AHRR: variants seen among roughly 807,000 people sequenced by gnomAD.
The protein encoded by AHRR is aryl hydrocarbon receptor repressor.
A neutral mutation model predicts 44.0 loss-of-function variants in AHRR; 28 were observed. That is an observed-to-expected ratio of 0.64 (90% confidence interval 0.47 to 0.87). The LOEUF is 0.87. Ranked by LOEUF, AHRR falls within the 40% of genes least tolerant of loss-of-function variation. The probability of loss-of-function intolerance (pLI) is 0.00; values close to 1 mark genes in which losing one functional copy is unlikely to be tolerated. For synonymous variants in AHRR, 434 were observed against 407.0 expected, an observed-to-expected ratio of 1.07 and a Z score of -0.80; for missense variants, 990 against 953.9, an observed-to-expected ratio of 1.04 and a Z score of -0.50.
intron 4 of AHRR, among the ~76,000 whole-genome samples, chr5:409,400 C>T (rs767771701): frequency 5.3e-5 from 8 of 152,160 alleles, no homozygotes; most frequent in Non-Finnish European, 7.3e-5. Context: ...TTATGTGGAA[C>T]GGCAGGACAG....
At chr5:334,795 C>T (rs1457587617) in intron 1 of AHRR, among the ~76,000 whole-genome samples, 1 of 151,978 alleles carries the variant, frequency 6.6e-6, no homozygotes, top group Non-Finnish European at 1.5e-5. Flanking sequence ...ATGTTGCTTT[C>T]TGCACATCTG....
rs770740417 is a variant in AHRR at position 434,242 on chromosome 5, C to T, written c.1502C>T (p.Ala501Val). 7 of 1,592,734 alleles carry T rather than the reference C, an allele frequency of 4.4e-6. No homozygotes were observed. The highest frequency in any genetic ancestry group is 3.4e-5 in the South Asian group (3 of 87,062). Residue 501 changes from alanine (A) to valine (V), a missense_variant, in exon 11 of 11, where the codon GCC (alanine) becomes GTC (valine). Transcript: ENST00000684583. ...CCTCAGCCTGGAGCTCAGCGTTTTG[C>T]CACGAGGGGCTATCCCATGGAGGAC... ...QLPQPGAQRF[A>V]TRGYPMEDMK...
intron 4 of AHRR, among the ~76,000 whole-genome samples, chr5:392,289 GGC>G: frequency 1.0e-5 from 1 of 96,386 alleles, no homozygotes; most frequent in African/African-American, 5.2e-5. Context: ...GGGCGAGGAG[GGC>G]GCAGGGCGAG....
At position 388,865 on chromosome 5, in the gene AHRR, C is replaced by T. The variant is rs553880108; in HGVS notation, c.351+12149C>T. Among the ~76,000 whole-genome samples the T allele has an allele frequency of 2.0e-5, 3 of 152,148 alleles. No homozygotes were observed. Among genetic ancestry groups the T allele is most frequent in the South Asian group, 4.1e-4 (2 of 4,834 alleles). ...TGTGGCTGGGCCAGATGCCTGAGGA[C>T]ACAATGCTCATGACAAAAGCAGCAG... is the stretch of plus-strand genomic sequence containing the variant. On this transcript the variant is annotated intron_variant, in intron 4 of 10. Coordinates refer to ENST00000684583, the MANE Select transcript of AHRR (RefSeq NM_001377236.1). This position sits in a 1 kb window ranked among gnomAD's most constrained non-coding sequence, Gnocchi z 5.2.
At position 340,685 on chromosome 5, in the gene AHRR, TATA is replaced by T. The variant is rs200147908; in HGVS notation, c.-10-3207_-10-3205del. On this transcript the variant is annotated intron_variant, in intron 1 of 10. Coordinates refer to ENST00000684583, the MANE Select transcript of AHRR (RefSeq NM_001377236.1). ...AATATTATATATATATATATATATA[TATA>T]TTTTTTTTTTTTTTTTTTTTTTTTT... is the stretch of plus-strand genomic sequence containing the variant. Among the ~76,000 whole-genome samples, 247 of 31,184 alleles carry T rather than the reference TATA, an allele frequency of 7.9e-3. 1 individual carries two copies. The highest frequency in any genetic ancestry group is 0.022 in the African/African-American group (125 of 5,594). 20.5% of individuals were successfully genotyped at this position (31,184 alleles called of 152,430 possible).
intron 3 of AHRR, among the ~76,000 whole-genome samples, chr5:362,170 C>G (rs1417082321): frequency 6.6e-6 from 1 of 152,202 alleles, no homozygotes; most frequent in Non-Finnish European, 1.5e-5. Flanking sequence ...AGGGCTCACT[C>G]TGTCCACAAG....
At position 405,374 on chromosome 5, in the gene AHRR, G is replaced by A. The variant is rs940209334; in HGVS notation, c.352-7970G>A. ...ACGTGGTGGAGTTCAGGGTGATAAC[G>A]ATGGGCTTCTTTACTGATGCCAAAC... On this transcript the variant is annotated intron_variant, in intron 4 of 10. Transcript: ENST00000684583. This position sits in a 1 kb window ranked among gnomAD's most constrained non-coding sequence, Gnocchi z 4.5. Among the ~76,000 whole-genome samples, 4 of 152,172 alleles carry A rather than the reference G, an allele frequency of 2.6e-5. No homozygotes were observed. Among genetic ancestry groups the A allele is most frequent in the Non-Finnish European group, 4.4e-5 (3 of 68,034 alleles).
chr5:344,449 GT>G, intron 2 of AHRR, among the ~76,000 whole-genome samples: 1 of 26,938 alleles, frequency 3.7e-5, no homozygotes, highest in Admixed American at 2.9e-4. Flanking sequence ...GGGGCTGTGT[GT>G]GGGGTGTGTG....
At chr5:414,884 A>G (rs1353183284) in intron 5 of AHRR, among the ~76,000 whole-genome samples, 2 of 152,254 alleles carry the variant, frequency 1.3e-5, no homozygotes, top group African/African-American at 2.4e-5. Flanking sequence ...AGTGTTAACC[A>G]GTAGCACCGG....
At chr5:333,724 C>A (rs1742021775) in intron 1 of AHRR, among the ~76,000 whole-genome samples, 1 of 151,464 alleles carries the variant, frequency 6.6e-6, no homozygotes, top group Non-Finnish European at 1.5e-5. Flanking sequence ...TTGTTTCTTT[C>A]TTTTCCTCTG....
chr5:396,690 A>G (rs1255126731), intron 4 of AHRR, among the ~76,000 whole-genome samples: 1 of 152,140 alleles, frequency 6.6e-6, no homozygotes, highest in Non-Finnish European at 1.5e-5. Context: ...AAATAAAGGT[A>G]TGGCCAGAGG....
In AHRR at chr5:411,464, A is replaced by C. The variant is rs989806220; in HGVS notation, c.352-1880A>C. ...TGGCTGCCTAGGAGTCTTCAATACC[A>C]GTATTTCAAAAGCTCTTAGAAATTG... is the stretch of plus-strand genomic sequence containing the variant. On this transcript the variant is annotated intron_variant, in intron 4 of 10. Transcript: ENST00000684583. The surrounding 1 kb of genome is among the most constrained non-coding windows in gnomAD (Gnocchi z 4.2). Among the ~76,000 whole-genome samples, 1 of 152,150 alleles carries C rather than the reference A, an allele frequency of 6.6e-6. No homozygotes were observed. Among genetic ancestry groups the C allele is most frequent in the Non-Finnish European group, 1.5e-5 (1 of 68,034 alleles).
intron 5 of AHRR, 111 bp downstream of exon 5, chr5:413,544 T>A: frequency 1.3e-6 from 1 of 794,768 alleles, no homozygotes; most frequent in Non-Finnish European, 2.1e-6. Flanking sequence ...GCTTTTCCTA[T>A]CACTGAGCTC....
intron 7 of AHRR, chr5:427,546 G>T: frequency 6.7e-7 from 1 of 1,490,682 alleles, no homozygotes; most frequent in South Asian, 1.1e-5. Context: ...ACGCGGGAAT[G>T]AACCTGTCAA....
rs182040555 is a variant in AHRR, at chr5:419,509, T to C, written c.442-3220T>C. On this transcript the variant is annotated intron_variant, in intron 5 of 10. Transcript: ENST00000684583. The surrounding 1 kb of genome is among the most constrained non-coding windows in gnomAD (Gnocchi z 4.4). ...AAGCAACATTTATAAATGAAGAAAT[T>C]AGGGATGGCAGCAAGTGTAAGGGGA... Among the ~76,000 whole-genome samples, 342 of 152,136 alleles carry C rather than the reference T, an allele frequency of 2.2e-3. 3 individuals carry two copies. Among genetic ancestry groups the C allele is most frequent in the Non-Finnish European group, 3.9e-3 (265 of 68,008 alleles).
intron 4 of AHRR, among the ~76,000 whole-genome samples, chr5:413,118 T>G (rs1404862818): frequency 6.6e-6 from 1 of 152,174 alleles, no homozygotes; most frequent in Non-Finnish European, 1.5e-5. Flanking sequence ...AATTTTATAT[T>G]TATTAGAAAA....
intron 1 of AHRR, among the ~76,000 whole-genome samples, chr5:340,237 G>A (rs945643058): frequency 6.6e-6 from 1 of 152,062 alleles, no homozygotes; most frequent in African/African-American, 2.4e-5. Flanking sequence ...TTGATAGATT[G>A]TGCCTTTCTA....
chr5:380,375 T>C (rs1020713035), intron 4 of AHRR, among the ~76,000 whole-genome samples: 1 of 152,206 alleles, frequency 6.6e-6, no homozygotes, highest in Non-Finnish European at 1.5e-5. Flanking sequence ...AAATCCCTGC[T>C]GGGATTTTGA....
chr5:334,698 T>G (rs1281293006), intron 1 of AHRR, among the ~76,000 whole-genome samples: 1 of 152,172 alleles, frequency 6.6e-6, no homozygotes, highest in Non-Finnish European at 1.5e-5. Flanking sequence ...TGAGGATTTC[T>G]TTTGGTTGAG....
Sources: allele counts gnomAD v4.1 joint callset (sites outside exome capture counted in the v4.1 genomes callset), GRCh38; gene constraint gnomAD v4.1.1; non-coding constraint Gnocchi (gnomAD v3.1); transcripts MANE v1.5; gene names NCBI Gene and HGNC (gene_info 2026-07-23, HGNC 2026-07-21).